MIR2052HG: variants seen among roughly 807,000 people sequenced by gnomAD.
The protein encoded by MIR2052HG is MIR2052 host gene.
intron 2 of MIR2052HG, among the ~76,000 whole-genome samples, chr8:74,700,343 A>C (rs1446129175): frequency 6.6e-6 from 1 of 152,194 alleles, no homozygotes. Context: ...AATTTTGGAA[A>C]TCATCTACGA....
At chr8:74,722,092 G>A (rs1369800907) in intron 4 of MIR2052HG, among the ~76,000 whole-genome samples, 6 of 152,172 alleles carry the variant, frequency 3.9e-5, no homozygotes, top group South Asian at 2.1e-4. Context: ...TGGGAGGATC[G>A]CTTGATCCTG....
chr8:74,651,834 A>G (rs1808756100), intron 2 of MIR2052HG, among the ~76,000 whole-genome samples: 1 of 152,126 alleles, frequency 6.6e-6, no homozygotes, highest in Admixed American at 6.6e-5. Flanking sequence ...AGAAGCACAG[A>G]CCTTGGTATG....
At chr8:74,624,384 C>G (rs1808407461) in intron 2 of MIR2052HG, among the ~76,000 whole-genome samples, 1 of 152,214 alleles carries the variant, frequency 6.6e-6, no homozygotes. Flanking sequence ...GTGGTTTGAT[C>G]AGATTGACTT....
chr8:74,654,046 T>C (rs1371374669), intron 2 of MIR2052HG, among the ~76,000 whole-genome samples: 1 of 152,158 alleles, frequency 6.6e-6, no homozygotes, highest in Non-Finnish European at 1.5e-5. Flanking sequence ...AGGACCAGTT[T>C]TTGTAAATTG....
At chr8:74,690,047 A>T (rs1260183202) in intron 2 of MIR2052HG, among the ~76,000 whole-genome samples, 1 of 152,162 alleles carries the variant, frequency 6.6e-6, no homozygotes. Flanking sequence ...ACTAAGTATT[A>T]TGATAAACTC....
chr8:74,636,164 A>C (rs1264017556), intron 2 of MIR2052HG, among the ~76,000 whole-genome samples: 1 of 152,128 alleles, frequency 6.6e-6, no homozygotes, highest in Non-Finnish European at 1.5e-5. Context: ...AAATAATTGG[A>C]GTAATTTCAT....
At chr8:74,650,428 A>T (rs566317318) in intron 2 of MIR2052HG, among the ~76,000 whole-genome samples, 1 of 152,300 alleles carries the variant, frequency 6.6e-6, no homozygotes, top group East Asian at 1.9e-4. Context: ...CAATCATTTT[A>T]TCCATTCATT....
chr8:74,679,826 G>A (rs58936821), intron 2 of MIR2052HG, among the ~76,000 whole-genome samples: 3,558 of 152,152 alleles, frequency 0.023, 141 homozygotes, highest in African/African-American at 0.081. Flanking sequence ...ACAGGCATGA[G>A]CCACCGTGCC....
intron 2 of MIR2052HG, among the ~76,000 whole-genome samples, chr8:74,630,715 A>G (rs2588305): frequency 3.2e-4 from 48 of 151,938 alleles, no homozygotes; most frequent in Non-Finnish European, 5.7e-4. Context: ...TAACATAGCA[A>G]CTACATCTCC....
intron 1 of MIR2052HG, chr8:74,603,732 CG>C (rs35230194): frequency 1.5e-5 from 13 of 872,662 alleles, no homozygotes; most frequent in African/African-American, 3.3e-5. Context: ...TCACGCCCTT[CG>C]GGGGGGACTC....
intron 1 of MIR2052HG, among the ~76,000 whole-genome samples, chr8:74,602,565 G>T (rs1226957175): frequency 6.6e-6 from 1 of 150,404 alleles, no homozygotes; most frequent in Non-Finnish European, 1.5e-5. Flanking sequence ...AGGCTGGAGT[G>T]CAGTGGCGCG....
At chr8:74,626,817 G>C (rs4534109) in intron 2 of MIR2052HG, among the ~76,000 whole-genome samples, 2 of 151,948 alleles carry the variant, frequency 1.3e-5, no homozygotes, top group African/African-American at 4.8e-5. Context: ...TCCCCAGTAC[G>C]TTGTCTACAC....
chr8:74,747,019 T>A (rs1362544038), intron 4 of MIR2052HG, among the ~76,000 whole-genome samples: 2 of 152,288 alleles, frequency 1.3e-5, no homozygotes, highest in Non-Finnish European at 2.9e-5. Flanking sequence ...ATAAATTGAT[T>A]TGAGGACACT....
intron 2 of MIR2052HG, among the ~76,000 whole-genome samples, chr8:74,669,965 T>C: frequency 6.6e-6 from 1 of 152,108 alleles, no homozygotes; most frequent in Non-Finnish European, 1.5e-5. Context: ...GTAATTAAGG[T>C]CAAATGAGGT....
chr8:74,633,604 T>A (rs1808546680), intron 2 of MIR2052HG, among the ~76,000 whole-genome samples: 1 of 152,222 alleles, frequency 6.6e-6, no homozygotes, highest in African/African-American at 2.4e-5. Flanking sequence ...GCATGAGTTG[T>A]ACTTGTTATG....
At chr8:74,654,840 G>A (rs1366238086) in intron 2 of MIR2052HG, among the ~76,000 whole-genome samples, 6 of 152,294 alleles carry the variant, frequency 3.9e-5, no homozygotes, top group Middle Eastern at 3.4e-3. Context: ...ACAGTTTGGA[G>A]GGCTCAGAAG....
chr8:74,722,136 C>T (rs755716822), intron 4 of MIR2052HG, among the ~76,000 whole-genome samples: 1 of 152,070 alleles, frequency 6.6e-6, no homozygotes, highest in Non-Finnish European at 1.5e-5. Flanking sequence ...ATGATCATGC[C>T]ACTGCACTCC....
chr8:74,651,530 G>A (rs1383974326), intron 2 of MIR2052HG, among the ~76,000 whole-genome samples: 1 of 152,048 alleles, frequency 6.6e-6, no homozygotes, highest in South Asian at 2.1e-4. Context: ...GGAAAATGCA[G>A]TTCTACAAGG....
chr8:74,603,967 G>A lies in MIR2052HG; in HGVS notation n.128+4059G>A, dbSNP rs1563509177. 4 of 953,876 alleles carry A rather than the reference G, an allele frequency of 4.2e-6. No individual in the cohort carries two copies. In the East Asian group the frequency reaches 7.2e-5, roughly 17 times the overall value. The allele number at this position is 953,876 out of a possible 1,614,324, so 59.1% of individuals were successfully genotyped here. The stretch of plus-strand genomic sequence containing the variant: ...CCTCAGGGTGACTGGGGGTCTAGTG[G>A]CAGCTGTGCTACTGGTCATAGAGCT... On this transcript the variant is annotated intron_variant and non_coding_transcript_variant, in intron 1 of 6. Coordinates refer to ENST00000523442, the Ensembl canonical transcript of MIR2052HG.
Sources: gnomAD v4.1 joint callset for allele counts (sites outside exome capture counted in the v4.1 genomes callset) on GRCh38, gnomAD v4.1.1 for gene constraint, MANE v1.5 for transcripts, NCBI Gene and HGNC (gene_info 2026-07-23, HGNC 2026-07-21) for gene names.